Variants in BAZ1A observed in about 807,000 individuals in gnomAD.
BAZ1A encodes bromodomain adjacent to zinc finger domain 1A, also known as bromodomain adjacent to zinc finger domain protein 1A.
A neutral mutation model predicts 185.2 loss-of-function variants in BAZ1A; 50 were observed. The observed-to-expected ratio is 0.27, with a 90% confidence interval of 0.22 to 0.34. The LOEUF (loss-of-function observed/expected upper bound fraction) is 0.34. BAZ1A is among the 10% of genes least tolerant of loss of function. The pLI, the probability that BAZ1A is intolerant of heterozygous loss-of-function variation, is 1.00. For missense variants in BAZ1A, 1,356 were observed against 1,839.9 expected (o/e 0.74, Z 4.81); for synonymous variants, 571 against 615.6 (o/e 0.93, Z 1.07).
Position 34,836,155 on chromosome 14 carries a change from G to A in BAZ1A, c.393-9999C>T, listed in dbSNP as rs1163241090. 1.1e-4 allele frequency among the ~76,000 whole-genome samples: 3 copies of A among 27,062 alleles called. 1 individual carries two copies. Among genetic ancestry groups the A allele is most frequent in the Non-Finnish European group, 2.0e-4 (2 of 10,072 alleles). 17.8% of individuals were successfully genotyped at this position (27,062 alleles called of 152,430 possible). Reference sequence around the variant, plus strand: ...AGCACTTTGGGAGGCCGAGGCGGGCGGATCACGAGGTCAGGAGATCGAGAC... The same window carrying A: ...AGCACTTTGGGAGGCCGAGGCGGGCAGATCACGAGGTCAGGAGATCGAGAC... On this transcript the variant is annotated intron_variant, in intron 3 of 26. Coordinates refer to ENST00000360310, the MANE Select transcript of BAZ1A (RefSeq NM_013448.3).
chr14:34,845,439 G>A (rs1453280647), intron 3 of BAZ1A: 1 of 151,950 alleles, frequency 6.6e-6, no homozygotes, highest in South Asian at 2.1e-4. Flanking sequence ...TGATGCATAC[G>A]TCAAATGAAT....
chr14:34,783,364 T>A, intron 15 of BAZ1A, 132 bp from the exon 16 acceptor site: 1 of 514,506 alleles, frequency 1.9e-6, no homozygotes, highest in Non-Finnish European at 3.3e-6. Flanking sequence ...TAATCATTCA[T>A]AAGCTTTTTT....
At chr14:34,832,462 A>T (rs1443371134) in intron 3 of BAZ1A, among the ~76,000 whole-genome samples, 4 of 151,368 alleles carry the variant, frequency 2.6e-5, no homozygotes, top group Admixed American at 6.6e-5. Flanking sequence ...CAAAAAAAAA[A>T]AAACCCCAAA....
chr14:34,764,380 G>A (rs1407507508), intron 23 of BAZ1A, among the ~76,000 whole-genome samples: 3 of 133,766 alleles, frequency 2.2e-5, no homozygotes, highest in East Asian at 2.4e-4. Flanking sequence ...TGCAACCTCC[G>A]CTCCCGGGTT....
At chr14:34,833,504 T>A (rs1029726982) in intron 3 of BAZ1A, among the ~76,000 whole-genome samples, 4 of 151,942 alleles carry the variant, frequency 2.6e-5, no homozygotes, top group African/African-American at 9.7e-5. Flanking sequence ...CTCCAGCTTG[T>A]GCGACAGAGC....
intron 4 of BAZ1A, among the ~76,000 whole-genome samples, chr14:34,813,551 G>A (rs1285559312): frequency 6.6e-6 from 1 of 152,132 alleles, no homozygotes; most frequent in African/African-American, 2.4e-5. Flanking sequence ...AGGTGTGGTG[G>A]TGAGTGCCCG....
chr14:34,776,456 T>C lies in BAZ1A; in HGVS notation c.2296A>G (p.Thr766Ala). ...TCATCAGCAGTAAGAGGCTCTCTTG[T>C]TACACAGTTGATCTGTTCTTGCCTT... ...FTRQEQINCV[T>A]REPLTADEEE... Residue 766 changes from threonine to alanine, a missense_variant, in exon 18 of 27, where the codon ACA becomes GCA. Around this residue, in one of 7 missense-constraint regions of BAZ1A, gnomAD observed 434 missense variants for 561.7 expected, o/e 0.77. Transcript: ENST00000360310. 1 of 1,613,878 alleles carries C rather than the reference T, an allele frequency of 6.2e-7. No individual in the cohort carries two copies. The highest frequency in any genetic ancestry group is 8.5e-7 in the Non-Finnish European group (1 of 1,180,010).
intron 3 of BAZ1A, among the ~76,000 whole-genome samples, chr14:34,840,907 T>C (rs2042404733): frequency 6.6e-6 from 1 of 152,208 alleles, no homozygotes; most frequent in African/African-American, 2.4e-5. Context: ...CCTTTTCTTT[T>C]GTTTGTTTAA....
chr14:34,764,735 C>T lies in BAZ1A; in HGVS notation c.3748G>A (p.Asp1250Asn). 6.2e-7 allele frequency: 1 copy of T among 1,609,684 alleles called. No homozygotes were observed. Among genetic ancestry groups the T allele is most frequent in the Non-Finnish European group, 8.5e-7 (1 of 1,176,698 alleles). The change falls in exon 23 of 27, where the codon GAT becomes AAT. Residue 1250 changes from aspartate (D) to asparagine (N), a missense_variant. Asp to Asn is a conservative substitution (Grantham distance 23). Transcript: ENST00000360310. ...ACTTCTTCCTCTTCTTGAGAGTCAT[C>T]TTCATCTTGTTCTACCTCATACTCT... ...EEEYEVEQDEDDSQEEEEVSL... is the reference protein window; with the variant it reads ...EEEYEVEQDENDSQEEEEVSL...
In BAZ1A at chr14:34,832,215, C is replaced by CATATATATATATAT. The variant is rs796421959; in HGVS notation, c.393-6073_393-6060dup. Among the ~76,000 whole-genome samples, 35 of 89,658 alleles carry CATATATATATATAT rather than the reference C, an allele frequency of 3.9e-4. 1 individual carries two copies. The highest frequency in any genetic ancestry group is 5.9e-4 in the Non-Finnish European group (25 of 42,710). 58.8% of individuals were successfully genotyped at this position (89,658 alleles called of 152,430 possible). ...ATACACACACACACACACACACACACATATATATATATATATGTATGTATG... is the reference window on the plus strand; with the variant it reads ...ATACACACACACACACACACACACACATATATATATATATATATATATATATATATGTATGTATG... On this transcript the variant is annotated intron_variant, in intron 3 of 26. Transcript: ENST00000360310.
intron 3 of BAZ1A, among the ~76,000 whole-genome samples, chr14:34,858,806 A>G (rs2042724327): frequency 6.6e-6 from 1 of 152,222 alleles, no homozygotes; most frequent in Non-Finnish European, 1.5e-5. Flanking sequence ...AATTTCAGAT[A>G]GGACAGAAGG....
Position 34,862,051 on chromosome 14 carries a change from C to G in BAZ1A, c.385G>C (p.Gly129Arg). 1 of 1,613,842 alleles carries G rather than the reference C, an allele frequency of 6.2e-7. No individual in the cohort carries two copies. ...AAATTAAAAGTACTTTACCTTGCAC[C>G]ATTGTTCCTAATGACTTCCACAGTT... ...EETVEVIRNN[G>R]ARLQCRILEV... Residue 129 changes from glycine (G) to arginine (R), a missense_variant, in exon 3 of 27, where the codon GGT becomes CGT. Coordinates refer to ENST00000360310, the MANE Select transcript of BAZ1A (RefSeq NM_013448.3).
intron 4 of BAZ1A, among the ~76,000 whole-genome samples, chr14:34,821,251 C>T (rs1464630682): frequency 6.6e-6 from 1 of 152,152 alleles, no homozygotes; most frequent in Admixed American, 6.5e-5. Context: ...TAATTCCGAA[C>T]TTCCATTTCT....
chr14:34,874,588 C>A lies in BAZ1A; in HGVS notation c.17G>T (p.Arg6Leu), dbSNP rs765620790. The change falls in exon 2 of 27, where the codon CGA (arginine) becomes CTA (leucine). Residue 6 changes from arginine to leucine, a missense_variant. Arg to Leu is a moderately radical substitution (Grantham distance 102, BLOSUM62 -2). This residue lies in a region of BAZ1A where 332 missense variants were observed against 395.3 expected (regional missense o/e 0.84). Coordinates refer to ENST00000360310, the MANE Select transcript of BAZ1A (RefSeq NM_013448.3). The surrounding 1 kb of genome is among the most constrained non-coding windows in gnomAD (Gnocchi z 4.7). The part of the protein sequence containing the change: MPLLH[R>L]KPFVRQKPPA... ...CGGCTTCTGTCTCACAAACGGCTTT[C>A]GGTGTAGCAGCGGCATCTCCCGTCC... 4 of 1,610,066 alleles carry A rather than the reference C, an allele frequency of 2.5e-6. No homozygotes were observed. The highest frequency in any genetic ancestry group is 2.5e-6 in the Non-Finnish European group (3 of 1,178,374).
Position 34,822,602 on chromosome 14 carries a change from G to A in BAZ1A, c.536+3411C>T, listed in dbSNP as rs959887329. On this transcript the variant is annotated intron_variant, in intron 4 of 26. Coordinates refer to ENST00000360310, the MANE Select transcript of BAZ1A (RefSeq NM_013448.3). ...CACACTCCAGCCTGGGTGACAGGGT[G>A]AGACCCTGTCTCAAAAACAGAAACA... 6.6e-5 allele frequency among the ~76,000 whole-genome samples: 10 copies of A among 152,232 alleles called. 1 individual carries two copies. Among genetic ancestry groups the A allele is most frequent in the Non-Finnish European group, 5.9e-5 (4 of 68,006 alleles).
intron 5 of BAZ1A, 29 bp from the exon 6 acceptor site, chr14:34,807,567 G>A (rs1036363330): frequency 6.5e-7 from 1 of 1,546,050 alleles, no homozygotes; most frequent in Non-Finnish European, 8.9e-7. Context: ...TCAAAGAGGG[G>A]TAGTGTTAGC....
rs1372562679 is a variant in BAZ1A at position 34,762,067 on chromosome 14, A to T, written c.3933T>A (p.Thr1311=). Residue 1311 remains threonine (T), a synonymous_variant, in exon 24 of 27, where the codon ACT becomes ACA. Transcript: ENST00000360310. Reference sequence around the variant, plus strand: ...AGTTTATCTTTCTTAGGCTTCTACCAGTTTTAGAAGAAACAGTTGTTTTGG... The same window carrying T: ...AGTTTATCTTTCTTAGGCTTCTACCTGTTTTAGAAGAAACAGTTGTTTTGG... The part of the protein sequence containing the change: ...STPKTTVSSK[T]GRSLRKINSA... 1 of 1,614,102 alleles carries T rather than the reference A, an allele frequency of 6.2e-7. No homozygotes were observed. The highest frequency in any genetic ancestry group is 1.6e-4 in the Middle Eastern group (1 of 6,084).
intron 3 of BAZ1A, among the ~76,000 whole-genome samples, chr14:34,841,153 G>C (rs1020421638): frequency 5.9e-5 from 9 of 152,154 alleles, no homozygotes; most frequent in Non-Finnish European, 1.2e-4. Context: ...TCACCATGAT[G>C]GTCAGGATGC....
chr14:34,825,570 C>T (rs2042155015), intron 4 of BAZ1A, among the ~76,000 whole-genome samples: 1 of 149,288 alleles, frequency 6.7e-6, no homozygotes, highest in Non-Finnish European at 1.5e-5. Flanking sequence ...ATTCTAACAT[C>T]ATTGTTGAAC....
Sources: allele counts gnomAD v4.1 joint callset (sites outside exome capture counted in the v4.1 genomes callset), GRCh38; gene constraint gnomAD v4.1.1; regional missense constraint gnomAD v4.1.1; non-coding constraint Gnocchi (gnomAD v3.1); transcripts MANE v1.5; gene names NCBI Gene and HGNC (gene_info 2026-07-23, HGNC 2026-07-21).